The following AFG2A variants were observed in gnomAD, a reference collection of about 807,000 sequenced individuals.
AFG2A encodes ATPase family gene 2 protein homolog A.
At chr4:123,175,605 T>C in the AFG2A span, among the ~76,000 whole-genome samples, 1 of 152,224 alleles carries the variant, frequency 6.6e-6, no homozygotes, top group Admixed American at 6.5e-5. Context: ...AAAGTAAATA[T>C]GTTTATAACT....
the AFG2A span, among the ~76,000 whole-genome samples, chr4:123,112,433 T>G: frequency 6.6e-6 from 1 of 152,218 alleles, no homozygotes. Context: ...GACATTAGCA[T>G]TCTCTATCTC....
the AFG2A span, among the ~76,000 whole-genome samples, chr4:123,197,574 C>A: frequency 6.6e-6 from 1 of 151,918 alleles, no homozygotes; most frequent in African/African-American, 2.4e-5. Context: ...TCGAGACCAG[C>A]CTGGCCAACG....
the AFG2A span, among the ~76,000 whole-genome samples, chr4:122,984,809 C>T: frequency 6.6e-6 from 1 of 152,282 alleles, no homozygotes; most frequent in South Asian, 2.1e-4. Flanking sequence ...CCCACTTGAT[C>T]ATGGTGGATT....
At chr4:123,194,300 C>G in the AFG2A span, among the ~76,000 whole-genome samples, 4 of 152,186 alleles carry the variant, frequency 2.6e-5, no homozygotes, top group East Asian at 7.7e-4. Flanking sequence ...CAAAATAACT[C>G]TGACGATAGC....
the AFG2A span, among the ~76,000 whole-genome samples, chr4:123,210,651 T>C: frequency 6.6e-6 from 1 of 152,112 alleles, no homozygotes; most frequent in African/African-American, 2.4e-5. Flanking sequence ...AACATGGGAG[T>C]ACAGATAGCT....
At chr4:123,201,991 CAA>C in the AFG2A span, among the ~76,000 whole-genome samples, 1 of 152,088 alleles carries the variant, frequency 6.6e-6, no homozygotes, top group Admixed American at 6.5e-5. Context: ...GATGAAAGTT[CAA>C]AGTCTTTTGT....
chr4:123,073,209 T>G, the AFG2A span, among the ~76,000 whole-genome samples: 2 of 152,002 alleles, frequency 1.3e-5, no homozygotes, highest in Admixed American at 6.5e-5. Context: ...GGTTACCTTC[T>G]CCGGCCTATC....
the AFG2A span, among the ~76,000 whole-genome samples, chr4:123,114,423 AG>A: frequency 6.6e-6 from 1 of 152,186 alleles, no homozygotes; most frequent in African/African-American, 2.4e-5. Flanking sequence ...CCCACAGGCC[AG>A]CCCAGAGCCT....
chr4:123,062,466 A>T, the AFG2A span, among the ~76,000 whole-genome samples: 1 of 152,164 alleles, frequency 6.6e-6, no homozygotes, highest in Admixed American at 6.5e-5. Flanking sequence ...TTTTTCTGAT[A>T]ATAATGGCCA....
At chr4:123,150,973 C>T in the AFG2A span, among the ~76,000 whole-genome samples, 1 of 152,184 alleles carries the variant, frequency 6.6e-6, no homozygotes, top group Non-Finnish European at 1.5e-5. Flanking sequence ...CACACATCTA[C>T]AATCACCTGA....
chr4:123,045,296 A>C, the AFG2A span, among the ~76,000 whole-genome samples: 186 of 134,758 alleles, frequency 1.4e-3, 2 homozygotes, highest in East Asian at 0.03. Flanking sequence ...TCACAGCTGA[A>C]TACTTCAGTG....
the AFG2A span, among the ~76,000 whole-genome samples, chr4:123,266,769 C>T: frequency 6.6e-6 from 1 of 151,848 alleles, no homozygotes; most frequent in South Asian, 2.1e-4. Context: ...CCTATTTCGG[C>T]ATATTCTTTA....
At chr4:123,282,414 A>C in the AFG2A span, among the ~76,000 whole-genome samples, 1 of 152,178 alleles carries the variant, frequency 6.6e-6, no homozygotes, top group Non-Finnish European at 1.5e-5. Flanking sequence ...TCACTAAAAC[A>C]AGCATGTTTG....
At chr4:123,051,720 A>G in the AFG2A span, among the ~76,000 whole-genome samples, 1 of 132,268 alleles carries the variant, frequency 7.6e-6, no homozygotes, top group East Asian at 2.1e-4. Flanking sequence ...TGGGTACACT[A>G]TTCTTCGTTA....
chr4:123,105,848 G>T, the AFG2A span, among the ~76,000 whole-genome samples: 2 of 152,216 alleles, frequency 1.3e-5, no homozygotes, highest in Admixed American at 1.3e-4. Context: ...TCTTGAGATG[G>T]AATCTACTGG....
At chr4:122,946,181 A>G in the AFG2A span, among the ~76,000 whole-genome samples, 1 of 152,246 alleles carries the variant, frequency 6.6e-6, no homozygotes, top group African/African-American at 2.4e-5. Context: ...GTTTGTGTTT[A>G]TGGATGACCA....
At chr4:123,318,436 C>T in the AFG2A span, 1 of 152,284 alleles carries the variant, frequency 6.6e-6, no homozygotes. Flanking sequence ...TATATCTCCA[C>T]ATAGCCCATT....
the AFG2A span, among the ~76,000 whole-genome samples, chr4:123,062,716 T>A: frequency 1.3e-5 from 2 of 152,252 alleles, no homozygotes; most frequent in Non-Finnish European, 2.9e-5. Flanking sequence ...CTTAGATTTG[T>A]GTATATAAAC....
the AFG2A span, among the ~76,000 whole-genome samples, chr4:123,282,098 G>A: frequency 3.6e-4 from 55 of 152,296 alleles, no homozygotes; most frequent in Middle Eastern, 3.4e-3. Flanking sequence ...ATTGAGTATA[G>A]TGGGCAGGCT....
Sources: allele counts gnomAD v4.1 joint callset (sites outside exome capture counted in the v4.1 genomes callset), GRCh38; gene constraint gnomAD v4.1.1; transcripts MANE v1.5; gene names NCBI Gene and HGNC (gene_info 2026-07-23, HGNC 2026-07-21).